Variants in DNAJC12 observed in about 807,000 individuals in gnomAD.
DNAJC12 encodes dnaJ homolog subfamily C member 12.
Under a neutral mutation model 28.5 loss-of-function variants are expected in DNAJC12, and 25 were observed. The ratio of observed to expected loss-of-function variants is 0.88; its 90% confidence interval spans 0.64 to 1.22. The LOEUF is 1.22. Among genes scored for constraint, DNAJC12 ranks in the 50% most tolerant of loss-of-function variants. The probability of loss-of-function intolerance (pLI) is 0.00; values close to 1 mark genes in which losing one functional copy is unlikely to be tolerated. For missense variants in DNAJC12, 222 were observed against 231.7 expected (o/e 0.96, Z 0.27); for synonymous variants, 77 against 80.6 (o/e 0.95, Z 0.24).
At chr10:67,824,942 C>T (rs997853925) in intron 1 of DNAJC12, among the ~76,000 whole-genome samples, 1 of 151,962 alleles carries the variant, frequency 6.6e-6, no homozygotes, top group Non-Finnish European at 1.5e-5. Flanking sequence ...ACCATGTTGG[C>T]CAGGCTGGTC....
At chr10:67,819,767 GAAGGAAGGAAGGGGAAGGAAGGAAGGAA>G (rs1564863590) in intron 2 of DNAJC12, among the ~76,000 whole-genome samples, 2 of 22,790 alleles carry the variant, frequency 8.8e-5, no homozygotes, top group Admixed American at 5.5e-4. Flanking sequence ...AGGAAGGAAG[GAAGGAAGGAAGGGGAAGGAAGGAAGGAA>G]GGAAGGAAGG....
At chr10:67,800,947 A>G (rs559546191) in intron 4 of DNAJC12, among the ~76,000 whole-genome samples, 2 of 152,302 alleles carry the variant, frequency 1.3e-5, no homozygotes, top group African/African-American at 4.8e-5. Flanking sequence ...TGTCTAAAAA[A>G]AAAAAAAATT....
intron 4 of DNAJC12, among the ~76,000 whole-genome samples, chr10:67,802,795 C>G (rs1210906906): frequency 6.6e-6 from 1 of 151,422 alleles, no homozygotes; most frequent in Admixed American, 6.6e-5. Flanking sequence ...TTACAATGTG[C>G]CTGGTATTGG....
At chr10:67,798,724 T>TTA (rs1337740550) in intron 4 of DNAJC12, among the ~76,000 whole-genome samples, 2 of 150,998 alleles carry the variant, frequency 1.3e-5, no homozygotes, top group African/African-American at 2.4e-5. Flanking sequence ...TTAATAGTAT[T>TTA]TATCCCTGGA....
At chr10:67,830,380 G>A (rs919855206) in intron 1 of DNAJC12, among the ~76,000 whole-genome samples, 18 of 150,812 alleles carry the variant, frequency 1.2e-4, no homozygotes, top group Admixed American at 4.7e-4. Context: ...AGGCTGAGGC[G>A]GGCGGATCAC....
At chr10:67,803,500 A>T (rs1841768799) in intron 4 of DNAJC12, among the ~76,000 whole-genome samples, 1 of 152,238 alleles carries the variant, frequency 6.6e-6, no homozygotes, top group South Asian at 2.1e-4. Flanking sequence ...TTTTAACAGC[A>T]AGTCTATACT....
chr10:67,815,500 C>A (rs1441202488), intron 2 of DNAJC12, among the ~76,000 whole-genome samples: 2 of 91,846 alleles, frequency 2.2e-5, no homozygotes. Context: ...AAGAACAATA[C>A]TTCGTCTCAA....
rs1014963087 is a variant in DNAJC12, at chr10:67,838,119, T to G, written c.-108A>C. 8 of 670,832 alleles carry G rather than the reference T, an allele frequency of 1.2e-5. No individual in the cohort carries two copies. The highest frequency in any genetic ancestry group is 1.2e-4 in the South Asian group (6 of 51,114). The allele number at this position is 670,832 out of a possible 1,614,324, so 41.6% of individuals were successfully genotyped here. ...CTGAATTAGAGCAGCATGTTCCACA[T>G]AGCAAAAACTAGCTTTAAGACTGGC... On this transcript the variant is annotated 5_prime_UTR_variant, in exon 1 of 5. The change abolishes an upstream ATG in the 5' untranslated region. Transcript: ENST00000225171.
intron 2 of DNAJC12, among the ~76,000 whole-genome samples, chr10:67,812,820 C>G (rs1841874462): frequency 1.3e-5 from 2 of 151,336 alleles, no homozygotes; most frequent in South Asian, 4.2e-4. Context: ...CCACTGGACT[C>G]CAGCCTGGGC....
intron 1 of DNAJC12, among the ~76,000 whole-genome samples, chr10:67,829,873 CT>C (rs1280222154): frequency 1.1e-4 from 17 of 151,828 alleles, no homozygotes; most frequent in African/African-American, 4.1e-4. Context: ...TTAAATATTT[CT>C]ATGAGAAAAG....
At chr10:67,829,984 C>T (rs750627619) in intron 1 of DNAJC12, among the ~76,000 whole-genome samples, 80 of 151,830 alleles carry the variant, frequency 5.3e-4, no homozygotes, top group South Asian at 1.9e-3. Context: ...GATTATGTAA[C>T]TATATATGTA....
intron 3 of DNAJC12, 37 bp downstream of exon 3, chr10:67,811,487 C>A: frequency 6.2e-7 from 1 of 1,612,926 alleles, no homozygotes; most frequent in Non-Finnish European, 8.5e-7. Context: ...GCATCCTGAG[C>A]TTCACAAATT....
intron 2 of DNAJC12, among the ~76,000 whole-genome samples, chr10:67,822,495 G>GACCCA (rs200903902): frequency 0.01 from 1,537 of 152,200 alleles, 28 homozygotes; most frequent in African/African-American, 0.035. Context: ...CTTCCTTTTC[G>GACCCA]GGAAGTCTGG....
chr10:67,826,229 G>A (rs1842028047), intron 1 of DNAJC12, among the ~76,000 whole-genome samples: 1 of 150,552 alleles, frequency 6.6e-6, no homozygotes, highest in African/African-American at 2.4e-5. Flanking sequence ...GCACCTCCTG[G>A]GCTCAAGCAA....
chr10:67,811,778 T>G, intron 2 of DNAJC12, 115 bp from the exon 3 acceptor site: 1 of 1,478,474 alleles, frequency 6.8e-7, no homozygotes, highest in Non-Finnish European at 8.9e-7. Flanking sequence ...CTATGTGACC[T>G]TGGGCCAATT....
chr10:67,831,717 T>G (rs1842095154), intron 1 of DNAJC12, among the ~76,000 whole-genome samples: 1 of 152,244 alleles, frequency 6.6e-6, no homozygotes, highest in Non-Finnish European at 1.5e-5. Context: ...GCTCCTCAAT[T>G]GGATACCAGG....
intron 1 of DNAJC12, among the ~76,000 whole-genome samples, chr10:67,823,966 G>T (rs1842005300): frequency 6.6e-6 from 1 of 151,980 alleles, no homozygotes. Context: ...GTCCAGACGT[G>T]GTGGCTCACG....
rs570386802 is a variant in DNAJC12 at position 67,802,942 on chromosome 10, C to T, written c.502+2641G>A. Reference sequence around the variant, plus strand: ...CGCAGCTCACTGCAGCCTCAACATCCCCCCCCACACACACACCCGGGCTCA... The same window carrying T: ...CGCAGCTCACTGCAGCCTCAACATCTCCCCCCACACACACACCCGGGCTCA... On this transcript the variant is annotated intron_variant, in intron 4 of 4. Transcript: ENST00000225171. Among the ~76,000 whole-genome samples, 15 of 150,960 alleles carry T rather than the reference C, an allele frequency of 9.9e-5. No homozygotes were observed. In the South Asian group the frequency reaches 2.7e-3, roughly 27 times the overall value.
chr10:67,810,618 T>C (rs766100869), intron 3 of DNAJC12, among the ~76,000 whole-genome samples: 9 of 152,176 alleles, frequency 5.9e-5, no homozygotes, highest in Non-Finnish European at 7.3e-5. Context: ...ATTTATGAGA[T>C]TTAACAATCT....
Sources: allele counts gnomAD v4.1 joint callset (sites outside exome capture counted in the v4.1 genomes callset), GRCh38; gene constraint gnomAD v4.1.1; transcripts MANE v1.5; gene names NCBI Gene and HGNC (gene_info 2026-07-23, HGNC 2026-07-21).